The following DMD variants were observed in gnomAD, a reference collection of about 807,000 sequenced individuals.
DMD encodes dystrophin.
In DMD, 63 loss-of-function variants were observed where a neutral mutation model predicts 330.1. The ratio of observed to expected loss-of-function variants is 0.19; its 90% CI spans 0.16 to 0.24. DMD has a LOEUF of 0.24. Among genes scored for constraint, DMD ranks in the 10% least tolerant of loss-of-function variants. The pLI, the probability that DMD is intolerant of heterozygous loss-of-function variation, is 1.00. For synonymous variants in DMD, 1,223 were observed against 959.8 expected (o/e 1.27, Z -5.07); for missense variants, 3,344 against 2,684.1 (o/e 1.25, Z -5.43).
chrX:31,496,755 A>C, intron 57 of DMD, 33 bp downstream of exon 57: 2 of 1,208,175 alleles, frequency 1.7e-6, no homozygotes, highest in Non-Finnish European at 2.2e-6. Flanking sequence ...TGTGCTTAAC[A>C]TGTGCAAGGC....
chrX:33,057,055 T>TA (rs1315515211), intron 1 of DMD, among the ~76,000 whole-genome samples: 1 of 111,768 alleles, frequency 8.9e-6, no homozygotes, highest in African/African-American at 3.3e-5. Context: ...TTGATCAAAT[T>TA]AGAGATGATT....
intron 55 of DMD, among the ~76,000 whole-genome samples, chrX:31,569,986 A>C (rs1270394238): frequency 9.0e-6 from 1 of 110,803 alleles, no homozygotes; most frequent in Non-Finnish European, 1.9e-5. Flanking sequence ...TTAAACAAAC[A>C]CTGATACAAC....
intron 2 of DMD, among the ~76,000 whole-genome samples, chrX:32,993,421 C>T (rs999925064): frequency 1.8e-5 from 2 of 109,507 alleles, no homozygotes; most frequent in Admixed American, 9.7e-5. Context: ...CTGGGCAACA[C>T]GGTGAAACCC....
chrX:31,961,208 AT>A (rs2095299553), intron 45 of DMD, among the ~76,000 whole-genome samples: 1 of 111,979 alleles, frequency 8.9e-6, no homozygotes, highest in East Asian at 2.8e-4. Context: ...AACTCCTTCC[AT>A]TTTTTTAAGA....
chrX:32,920,827 T>C (rs1167658196), intron 2 of DMD, among the ~76,000 whole-genome samples: 1 of 112,121 alleles, frequency 8.9e-6, no homozygotes, highest in Non-Finnish European at 1.9e-5. Context: ...ATAAGTGTTA[T>C]TGAAGAAATA....
intron 9 of DMD, among the ~76,000 whole-genome samples, chrX:32,659,744 C>T (rs1384472764): frequency 9.0e-6 from 1 of 110,734 alleles, no homozygotes; most frequent in Non-Finnish European, 1.9e-5. Context: ...GGCATCTTTC[C>T]ATGACAGAGC....
rs957660965 is a variant in DMD, at chrX:31,632,264, A to G, written c.8028-4402T>C. On this transcript the variant is annotated intron_variant, in intron 54 of 78. Transcript: ENST00000357033. The stretch of plus-strand genomic sequence containing the variant: ...ACTTGTTGCTTTCCGGGGTAAGCCT[A>G]AAGAGCTTAATTATTGTATACACAC... 4.5e-5 allele frequency among the ~76,000 whole-genome samples: 5 copies of G among 111,799 alleles called. No homozygotes were observed. The East Asian group carries it at 8.4e-4, about 19-fold the overall frequency.
rs1010401277 is a variant in DMD at position 32,941,393 on chromosome X, A to G, written c.93+78746T>C. On this transcript the variant is annotated intron_variant, in intron 2 of 78. Transcript: ENST00000357033. ...CTATTCACAATAGCAAAGACATGGA[A>G]TTAACCTAGATACACATCATTGGTG... 6.2e-5 allele frequency among the ~76,000 whole-genome samples: 7 copies of G among 112,318 alleles called. No individual in the cohort carries two copies. In the Admixed American group the frequency reaches 6.6e-4, roughly 11 times the overall value.
At chrX:31,328,470 CT>C (rs1569527181) in intron 61 of DMD, among the ~76,000 whole-genome samples, 1 of 110,932 alleles carries the variant, frequency 9.0e-6, no homozygotes, top group East Asian at 2.8e-4. Flanking sequence ...TCCTCTTCCC[CT>C]GATAGACTGT....
chrX:31,358,273 AG>A (rs1869390914), intron 60 of DMD, among the ~76,000 whole-genome samples: 1 of 111,993 alleles, frequency 8.9e-6, no homozygotes, highest in Non-Finnish European at 1.9e-5. Flanking sequence ...AGAAAACTAC[AG>A]GGAAAACATC....
chrX:33,256,702 A>G (rs2052862149), intron 1 of DMD, among the ~76,000 whole-genome samples: 1 of 110,219 alleles, frequency 9.1e-6, no homozygotes, highest in East Asian at 2.8e-4. Flanking sequence ...TTTCACCTGA[A>G]CTAACATGTA....
At chrX:32,866,742 T>G (rs77026009) in intron 2 of DMD, among the ~76,000 whole-genome samples, 913 of 36,851 alleles carry the variant, frequency 0.025, no homozygotes, top group African/African-American at 0.027. Context: ...GGTGGGGGGG[T>G]GGGGGGGGGG....
intron 54 of DMD, among the ~76,000 whole-genome samples, chrX:31,648,761 T>C (rs2080265781): frequency 9.3e-6 from 1 of 106,955 alleles, no homozygotes; most frequent in Non-Finnish European, 1.9e-5. Flanking sequence ...AATACCTATA[T>C]GTCCAAACAT....
intron 47 of DMD, among the ~76,000 whole-genome samples, chrX:31,919,947 C>T (rs2094666219): frequency 1.8e-5 from 2 of 112,217 alleles, no homozygotes; most frequent in African/African-American, 6.5e-5. Flanking sequence ...CTCTTTCTTG[C>T]AAACCTGGGG....
chrX:31,821,193 G>A (rs1435931090), intron 49 of DMD, among the ~76,000 whole-genome samples: 1 of 112,711 alleles, frequency 8.9e-6, no homozygotes, highest in East Asian at 2.8e-4. Flanking sequence ...AAGTCCTAAC[G>A]CCCTAGGGCA....
In DMD at chrX:32,893,826, G is replaced by C. The variant is rs948975875; in HGVS notation, c.94-44006C>G. ...CCTACTTAATAGGATGGCATATCTA[G>C]CCTATGGTGGGAAATGTGATAGCCT... On this transcript the variant is annotated intron_variant, in intron 2 of 78. Transcript: ENST00000357033. Among the ~76,000 whole-genome samples the C allele has an allele frequency of 2.7e-5, 3 of 111,618 alleles. No individual in the cohort carries two copies. The South Asian group carries it at 1.1e-3, about 42-fold the overall frequency.
At chrX:32,799,819 AT>A in intron 7 of DMD, among the ~76,000 whole-genome samples, 1 of 111,134 alleles carries the variant, frequency 9.0e-6, no homozygotes, top group East Asian at 2.8e-4. Flanking sequence ...AGATGTACTT[AT>A]TTTTGCATAT....
chrX:32,799,983 C>A (rs755438061), intron 7 of DMD, among the ~76,000 whole-genome samples: 3 of 111,312 alleles, frequency 2.7e-5, no homozygotes, highest in Non-Finnish European at 3.8e-5. Context: ...TATATGAAAT[C>A]CTACAAGGTT....
intron 1 of DMD, chrX:33,041,355 C>A: frequency 8.5e-7 from 1 of 1,170,735 alleles, no homozygotes; most frequent in Non-Finnish European, 1.1e-6. Context: ...CACGGTTACC[C>A]CGGCTTTCCG....
Sources: allele counts gnomAD v4.1 joint callset (sites outside exome capture counted in the v4.1 genomes callset), GRCh38; gene constraint gnomAD v4.1.1; transcripts MANE v1.5; gene names NCBI Gene and HGNC (gene_info 2026-07-23, HGNC 2026-07-21).